WDR7: variants seen among roughly 807,000 people sequenced by gnomAD.
WDR7 encodes the protein WD repeat-containing protein 7.
WDR7 carries 46 observed loss-of-function variants against 169.4 expected under a neutral mutation model. The ratio of observed to expected loss-of-function variants is 0.27; its 90% CI spans 0.21 to 0.35. The LOEUF (loss-of-function observed/expected upper bound fraction) is 0.35. Among genes scored for constraint, WDR7 ranks in the 10% least tolerant of loss-of-function variants. The probability of loss-of-function intolerance (pLI) is 1.00; values close to 1 mark genes in which losing one functional copy is unlikely to be tolerated. For missense variants in WDR7, 1,534 were observed against 1,859.3 expected, an observed-to-expected ratio of 0.83 and a Z score of 3.22; for synonymous variants, 612 against 666.8, an observed-to-expected ratio of 0.92 and a Z score of 1.27.
intron 26 of WDR7, among the ~76,000 whole-genome samples, chr18:57,017,477 C>CTGTGTGTGTGTGTGTG (rs57440164): frequency 3.7e-5 from 5 of 134,728 alleles, no homozygotes; most frequent in South Asian, 2.6e-4. Flanking sequence ...CCAAGTCATG[C>CTGTGTGTGTGTGTGTG]TGTGTGTGTG....
chr18:56,723,431 G>A (rs1179872424), intron 13 of WDR7, among the ~76,000 whole-genome samples: 2 of 151,626 alleles, frequency 1.3e-5, no homozygotes, highest in Admixed American at 6.6e-5. Context: ...GCTTTTGCAT[G>A]TTTGAAAAAA....
intron 19 of WDR7, among the ~76,000 whole-genome samples, chr18:56,812,828 G>A (rs2044895155): frequency 6.6e-6 from 1 of 152,068 alleles, no homozygotes; most frequent in South Asian, 2.1e-4. Flanking sequence ...CCCACATTGA[G>A]TGCCGATTTT....
intron 1 of WDR7, 143 bp from the exon 2 acceptor site, chr18:56,672,354 T>TTTAAAAA: frequency 1.6e-6 from 1 of 623,138 alleles, no homozygotes; most frequent in Admixed American, 4.1e-5. Flanking sequence ...CGTTTTTTTT[T>TTTAAAAA]GAAAATAATA....
Position 56,816,018 on chromosome 18 carries a change from A to G in WDR7, c.3191-13A>G, listed in dbSNP as rs755460899. The G allele has an allele frequency of 1.1e-5, 18 of 1,567,132 alleles. No homozygotes were observed. Among genetic ancestry groups the G allele is most frequent in the Non-Finnish European group, 1.7e-6 (2 of 1,161,076 alleles). The stretch of plus-strand genomic sequence containing the variant: ...TTTTTGAAGTGAAGCCTTGTGATTC[A>G]TATTTGTTTTAGCTGGAGTCACATC... On this transcript the variant is annotated splice_polypyrimidine_tract_variant and intron_variant, in intron 19 of 27. Coordinates refer to ENST00000254442, the MANE Select transcript of WDR7 (RefSeq NM_015285.3).
Position 56,755,379 on chromosome 18 carries a change from G to C in WDR7, c.1990-1204G>C, listed in dbSNP as rs977422771. Among the ~76,000 whole-genome samples the C allele has an allele frequency of 5.1e-4, 78 of 152,134 alleles. 2 individuals are homozygous for C. Among genetic ancestry groups the C allele is most frequent in the Non-Finnish European group, 1.8e-4 (12 of 68,022 alleles). ...TGGAAATTTTTTGGTAGAGTGACATGATTAGATTTTTGCCTCAGAAGGAAG... is the reference window on the plus strand; with the variant it reads ...TGGAAATTTTTTGGTAGAGTGACATCATTAGATTTTTGCCTCAGAAGGAAG... On this transcript the variant is annotated intron_variant, in intron 14 of 27. Transcript: ENST00000254442.
At chr18:56,680,320 T>C (rs2025328718) in intron 3 of WDR7, among the ~76,000 whole-genome samples, 1 of 152,156 alleles carries the variant, frequency 6.6e-6, no homozygotes. Context: ...ATTGTGCCAC[T>C]GCACTCCAGC....
chr18:56,788,874 G>C (rs1335752062), intron 19 of WDR7, among the ~76,000 whole-genome samples: 2 of 152,136 alleles, frequency 1.3e-5, no homozygotes, highest in Non-Finnish European at 2.9e-5. Context: ...ATGACTGAGT[G>C]ATATATATGA....
intron 20 of WDR7, among the ~76,000 whole-genome samples, chr18:56,822,582 A>C (rs1315111254): frequency 1.3e-5 from 2 of 152,216 alleles, no homozygotes; most frequent in African/African-American, 4.8e-5. Context: ...GAGGCTGTAT[A>C]ATTTGTAAAC....
chr18:56,850,487 C>A (rs189920011), intron 20 of WDR7, among the ~76,000 whole-genome samples: 4 of 152,000 alleles, frequency 2.6e-5, no homozygotes, highest in East Asian at 3.9e-4. Context: ...ACTGAACTGA[C>A]CTTCATTATT....
intron 22 of WDR7, among the ~76,000 whole-genome samples, chr18:56,932,240 G>T (rs1450366740): frequency 6.6e-6 from 1 of 152,132 alleles, no homozygotes; most frequent in African/African-American, 2.4e-5. Flanking sequence ...TGCTCAGACT[G>T]CCAGACACCA....
At chr18:57,008,152 C>T (rs114205739) in intron 26 of WDR7, among the ~76,000 whole-genome samples, 6 of 152,122 alleles carry the variant, frequency 3.9e-5, no homozygotes, top group African/African-American at 1.4e-4. Context: ...GGTCTTCTTT[C>T]GTTTGTGCCT....
chr18:57,023,204 A>C (rs2048314800), intron 27 of WDR7, among the ~76,000 whole-genome samples: 2 of 152,214 alleles, frequency 1.3e-5, no homozygotes, highest in South Asian at 4.1e-4. Flanking sequence ...AGTCCAAAAA[A>C]CAGTATTAGA....
At chr18:56,713,384 A>G (rs2026124825) in intron 12 of WDR7, among the ~76,000 whole-genome samples, 1 of 152,196 alleles carries the variant, frequency 6.6e-6, no homozygotes, top group Non-Finnish European at 1.5e-5. Flanking sequence ...CTTTTGAAAT[A>G]TATGTATTTG....
chr18:56,780,001 G>GT (rs1414315598), intron 18 of WDR7, among the ~76,000 whole-genome samples: 1 of 152,180 alleles, frequency 6.6e-6, no homozygotes, highest in African/African-American at 2.4e-5. Context: ...TTAAATATCA[G>GT]TCCCACCAAT....
chr18:57,002,797 A>C (rs899800618), intron 26 of WDR7, among the ~76,000 whole-genome samples: 6 of 152,166 alleles, frequency 3.9e-5, no homozygotes. Context: ...AATTGTAATG[A>C]GGGAATCACA....
intron 22 of WDR7, among the ~76,000 whole-genome samples, chr18:56,924,915 A>G (rs1464546547): frequency 6.6e-6 from 1 of 152,182 alleles, no homozygotes; most frequent in Non-Finnish European, 1.5e-5. Context: ...TGGAAGCCCC[A>G]TGCCCATTAA....
intron 5 of WDR7, 136 bp downstream of exon 5, chr18:56,682,989 A>G (rs1300173757): frequency 1.1e-6 from 1 of 950,450 alleles, no homozygotes; most frequent in Middle Eastern, 3.4e-4. Context: ...CCAATAATTT[A>G]TGGTCTGTTT....
chr18:56,695,986 G>T (rs899788018), intron 11 of WDR7, among the ~76,000 whole-genome samples: 3 of 151,974 alleles, frequency 2.0e-5, no homozygotes, highest in Non-Finnish European at 4.4e-5. Context: ...TAGGTTTTTT[G>T]TATCAACTCT....
chr18:56,716,766 CT>C, intron 12 of WDR7, among the ~76,000 whole-genome samples: 1 of 152,142 alleles, frequency 6.6e-6, no homozygotes, highest in Non-Finnish European at 1.5e-5. Context: ...GTTGTATCCC[CT>C]TAAAGAGATA....
Sources: allele counts gnomAD v4.1 joint callset (sites outside exome capture counted in the v4.1 genomes callset), GRCh38; gene constraint gnomAD v4.1.1; transcripts MANE v1.5; gene names NCBI Gene and HGNC (gene_info 2026-07-23, HGNC 2026-07-21).